CCDC30: variants seen among roughly 807,000 people sequenced by gnomAD.
CCDC30 encodes coiled-coil domain-containing protein 30.
A neutral mutation model predicts 100.2 loss-of-function variants in CCDC30; 70 were observed. The observed-to-expected ratio is 0.70, with a 90% CI of 0.58 to 0.85. The LOEUF (loss-of-function observed/expected upper bound fraction) is 0.85. Among genes scored for constraint, CCDC30 ranks in the 40% least tolerant of loss-of-function variants. The pLI, the probability that CCDC30 is intolerant of heterozygous loss-of-function variation, is 0.00. For synonymous variants in CCDC30, 233 were observed against 269.5 expected, an observed-to-expected ratio of 0.86 and a Z score of 1.33; for missense variants, 652 against 771.2, an observed-to-expected ratio of 0.85 and a Z score of 1.83.
At chr1:42,559,182 C>G (rs2148555368) in intron 6 of CCDC30, among the ~76,000 whole-genome samples, 1 of 152,270 alleles carries the variant, frequency 6.6e-6, no homozygotes, top group Middle Eastern at 3.4e-3. Flanking sequence ...CCAGCCACTG[C>G]AAAAACACAC....
chr1:42,466,304 A>G (rs147222708), intron 1 of CCDC30, among the ~76,000 whole-genome samples: 7 of 152,276 alleles, frequency 4.6e-5, no homozygotes, highest in African/African-American at 1.7e-4. Context: ...GGCCCCTGCA[A>G]TGCAGTTGGA....
chr1:42,581,644 A>T (rs1402228366), intron 9 of CCDC30, 130 bp downstream of exon 13: 2 of 753,946 alleles, frequency 2.7e-6, no homozygotes, highest in African/African-American at 3.6e-5. Context: ...ACTCAGCCAC[A>T]CACAATTCCT....
chr1:42,563,832 G>A (rs567746016), intron 6 of CCDC30, among the ~76,000 whole-genome samples: 44 of 151,182 alleles, frequency 2.9e-4, no homozygotes, highest in Non-Finnish European at 4.6e-4. Context: ...AGCTGAGATC[G>A]CACCACTGCA....
At chr1:42,457,951 G>A in the CCDC30 span, among the ~76,000 whole-genome samples, 2 of 126,872 alleles carry the variant, frequency 1.6e-5, no homozygotes, top group Non-Finnish European at 3.4e-5. Context: ...GCGATACTCC[G>A]TCGCAAAAAA....
intron 8 of CCDC30, among the ~76,000 whole-genome samples, chr1:42,578,828 C>A (rs1314393138): frequency 6.6e-6 from 1 of 152,022 alleles, no homozygotes; most frequent in Non-Finnish European, 1.5e-5. Context: ...TGTCCCCTGG[C>A]AAAAGATCAA....
chr1:42,637,129 T>C (rs902558553), intron 11 of CCDC30, 108 bp from the exon 16 acceptor site: 2 of 846,256 alleles, frequency 2.4e-6, no homozygotes, highest in African/African-American at 3.6e-5. Context: ...CCGGTGCCAG[T>C]TCCCTGACTT....
chr1:42,518,047 G>C (rs1170164158), intron 6 of CCDC30, among the ~76,000 whole-genome samples: 1 of 152,126 alleles, frequency 6.6e-6, no homozygotes, highest in Non-Finnish European at 1.5e-5. Flanking sequence ...TATTGAATCT[G>C]TAGATAGCTT....
intron 6 of CCDC30, among the ~76,000 whole-genome samples, chr1:42,530,512 A>G (rs776603061): frequency 5.3e-5 from 8 of 152,222 alleles, no homozygotes; most frequent in Admixed American, 1.3e-4. Context: ...ACAATAAAAT[A>G]ATATAAAATT....
At chr1:42,479,748 A>G (rs1296235612) in intron 1 of CCDC30, among the ~76,000 whole-genome samples, 2 of 152,114 alleles carry the variant, frequency 1.3e-5, no homozygotes, top group Non-Finnish European at 2.9e-5. Context: ...TAGATATGCT[A>G]TGCTATGCAG....
At chr1:42,483,923 G>A (rs77856609) in intron 3 of CCDC30, among the ~76,000 whole-genome samples, 2 of 151,792 alleles carry the variant, frequency 1.3e-5, no homozygotes, top group Admixed American at 6.6e-5. Context: ...TTTTGGGGGG[G>A]TACTTTTATT....
At chr1:42,500,396 C>T in intron 6 of CCDC30, 1 of 1,084,494 alleles carries the variant, frequency 9.2e-7, no homozygotes, top group Non-Finnish European at 1.4e-6. Flanking sequence ...CTGGTCTGCG[C>T]AGTGGCCACC....
At chr1:42,486,056 G>A (rs1644045625) in intron 3 of CCDC30, among the ~76,000 whole-genome samples, 1 of 152,144 alleles carries the variant, frequency 6.6e-6, no homozygotes, top group Non-Finnish European at 1.5e-5. Flanking sequence ...AAATAGTGAA[G>A]ATACTTTGGA....
intron 6 of CCDC30, among the ~76,000 whole-genome samples, chr1:42,543,610 T>C (rs1645062050): frequency 6.6e-6 from 1 of 152,172 alleles, no homozygotes; most frequent in South Asian, 2.1e-4. Context: ...GAAATCATCC[T>C]CCTTACTTTC....
At chr1:42,500,248 GA>G in intron 6 of CCDC30, 2 of 1,608,546 alleles carry the variant, frequency 1.2e-6, no homozygotes, top group East Asian at 4.5e-5. Context: ...CGTTTCTTTG[GA>G]AGGCAGTGGA....
intron 10 of CCDC30, among the ~76,000 whole-genome samples, chr1:42,608,169 C>T (rs151140831): frequency 7.4e-4 from 113 of 152,162 alleles, no homozygotes; most frequent in Non-Finnish European, 1.2e-3. Flanking sequence ...AACACCATGT[C>T]TGTAATTCAG....
intron 6 of CCDC30, among the ~76,000 whole-genome samples, chr1:42,544,072 G>A (rs1645072006): frequency 6.6e-6 from 1 of 151,798 alleles, no homozygotes; most frequent in Non-Finnish European, 1.5e-5. Flanking sequence ...GTTTATTTGG[G>A]TACAGACACG....
chr1:42,655,387 C>T (rs1029713988), downstream of CCDC30, among the ~76,000 whole-genome samples: 12 of 151,954 alleles, frequency 7.9e-5, no homozygotes, highest in African/African-American at 2.9e-4. Context: ...AACAAAAATA[C>T]AAAAACAATT....
intron 6 of CCDC30, among the ~76,000 whole-genome samples, chr1:42,524,026 A>G (rs1569907339): frequency 6.6e-6 from 1 of 151,276 alleles, no homozygotes; most frequent in East Asian, 1.9e-4. Flanking sequence ...AGCTTCCTTA[A>G]TATAGTTTTT....
At chr1:42,457,217 T>C in the CCDC30 span, 2 of 1,613,236 alleles carry the variant, frequency 1.2e-6, no homozygotes, top group South Asian at 2.2e-5. Flanking sequence ...ACCTCGCCGA[T>C]TTGTTAACAC....
Sources: allele counts gnomAD v4.1 joint callset (sites outside exome capture counted in the v4.1 genomes callset), GRCh38; gene constraint gnomAD v4.1.1; transcripts MANE v1.5; gene names NCBI Gene and HGNC (gene_info 2026-07-23, HGNC 2026-07-21).